Variants in CDKL4 observed in about 807,000 individuals in gnomAD.
CDKL4 encodes cyclin dependent kinase like 4.
A neutral mutation model predicts 42.0 loss-of-function variants in CDKL4; 44 were observed. The ratio of observed to expected loss-of-function variants is 1.05; its 90% CI spans 0.82 to 1.35. The LOEUF (loss-of-function observed/expected upper bound fraction) is 1.35. Among genes scored for constraint, CDKL4 ranks in the 40% most tolerant of loss-of-function variants. The pLI is 0.00. For missense variants in CDKL4, 393 were observed against 369.9 expected (o/e 1.06, Z -0.51); for synonymous variants, 120 against 121.6 (o/e 0.99, Z 0.09).
downstream of CDKL4, among the ~76,000 whole-genome samples, chr2:39,172,086 G>A (rs923657035): frequency 1.7e-4 from 26 of 152,016 alleles, no homozygotes; most frequent in African/African-American, 3.9e-4. Context: ...CGAGGCAGGC[G>A]GATCACGAGG....
Position 39,224,246 on chromosome 2 carries a change from G to A in CDKL4, c.290+1593C>T, listed in dbSNP as rs1335613199. The stretch of plus-strand genomic sequence containing the variant: ...GACAGTTAAAAGTCCCTTTTTTCTC[G>A]ATTTAGTCTTTTTCAAATTTCAAAA... On this transcript the variant is annotated intron_variant, in intron 3 of 9. Coordinates refer to ENST00000451199, the Ensembl canonical transcript of CDKL4. 2.6e-5 allele frequency among the ~76,000 whole-genome samples: 4 copies of A among 151,588 alleles called. No homozygotes were observed. The East Asian group carries it at 7.7e-4, about 29-fold the overall frequency.
the CDKL4 span, among the ~76,000 whole-genome samples, chr2:39,170,403 T>A: frequency 1.3e-5 from 2 of 152,160 alleles, no homozygotes; most frequent in Admixed American, 1.3e-4. Flanking sequence ...TAAAAATCTG[T>A]ATCTTTGTGA....
At chr2:39,189,051 TA>T in intron 6 of CDKL4, among the ~76,000 whole-genome samples, 1 of 152,330 alleles carries the variant, frequency 6.6e-6, no homozygotes, top group East Asian at 1.9e-4. Flanking sequence ...AGAATCTTTT[TA>T]GGGAATGAAT....
At chr2:39,242,079 T>G (rs939558719) in intron 1 of CDKL4, among the ~76,000 whole-genome samples, 11 of 151,608 alleles carry the variant, frequency 7.3e-5, no homozygotes, top group Admixed American at 2.6e-4. Context: ...AGGGTCTCGC[T>G]CTGTCACTCA....
At chr2:39,239,208 A>G (rs1250064026) in intron 1 of CDKL4, among the ~76,000 whole-genome samples, 1 of 152,194 alleles carries the variant, frequency 6.6e-6, no homozygotes, top group Non-Finnish European at 1.5e-5. Context: ...ATTAACTCAA[A>G]ATGGACAAAG....
chr2:39,238,173 G>A (rs138229068), intron 1 of CDKL4, among the ~76,000 whole-genome samples: 11 of 152,312 alleles, frequency 7.2e-5, no homozygotes, highest in Non-Finnish European at 1.2e-4. Flanking sequence ...GCACATGCCT[G>A]TAATCCCAGC....
At chr2:39,211,385 C>T (rs1007699174) in intron 4 of CDKL4, among the ~76,000 whole-genome samples, 32 of 151,888 alleles carry the variant, frequency 2.1e-4, no homozygotes, top group African/African-American at 7.5e-4. Context: ...GAGACTGTCC[C>T]AAAAATATAA....
intron 1 of CDKL4, among the ~76,000 whole-genome samples, chr2:39,234,149 A>G (rs113378737): frequency 0.043 from 6,590 of 151,870 alleles, 485 homozygotes; most frequent in African/African-American, 0.15. Context: ...TCCTGACCTC[A>G]TGATCCACCT....
intron 3 of CDKL4, among the ~76,000 whole-genome samples, chr2:39,217,479 G>C (rs1461191135): frequency 6.6e-6 from 1 of 152,120 alleles, no homozygotes. Context: ...CGTAATAGGG[G>C]AAGCTTGATT....
At chr2:39,229,449 T>C in exon 2 of CDKL4, 1 of 1,613,650 alleles carries the variant, frequency 6.2e-7, no homozygotes, top group Non-Finnish European at 8.5e-7. Context: ...CAGCTACTAC[T>C]TGTCCAGAGG....
chr2:39,184,356 G>T (rs1279048446), intron 8 of CDKL4, among the ~76,000 whole-genome samples: 1 of 152,174 alleles, frequency 6.6e-6, no homozygotes, highest in Non-Finnish European at 1.5e-5. Flanking sequence ...GCTAGGTCTG[G>T]TGTCTGCATG....
intron 6 of CDKL4, among the ~76,000 whole-genome samples, chr2:39,189,506 C>T (rs1274868198): frequency 6.6e-6 from 1 of 152,132 alleles, no homozygotes; most frequent in East Asian, 1.9e-4. Flanking sequence ...TTCTTAAGTA[C>T]TATACAAAGA....
At chr2:39,190,416 A>G in exon 6 of CDKL4, 1 of 1,614,114 alleles carries the variant, frequency 6.2e-7, no homozygotes, top group South Asian at 1.1e-5. Context: ...ATATCGACTG[A>G]AGAACCATAC....
chr2:39,185,164 A>ACG (rs1572945153), intron 7 of CDKL4, among the ~76,000 whole-genome samples: 2 of 133,554 alleles, frequency 1.5e-5, no homozygotes, highest in East Asian at 2.2e-4. Flanking sequence ...ATATACACAT[A>ACG]TGTATATATA....
At chr2:39,211,726 T>C (rs1385128244) in intron 4 of CDKL4, among the ~76,000 whole-genome samples, 1 of 151,812 alleles carries the variant, frequency 6.6e-6, no homozygotes, top group Non-Finnish European at 1.5e-5. Context: ...GCAATAATCA[T>C]CACTGGATGC....
At chr2:39,214,891 G>A (rs755304435) in intron 3 of CDKL4, among the ~76,000 whole-genome samples, 2 of 152,172 alleles carry the variant, frequency 1.3e-5, no homozygotes, top group Non-Finnish European at 1.5e-5. Context: ...ATGGGCAGGT[G>A]TATTTTCCAC....
At position 39,204,512 on chromosome 2, in the gene CDKL4, A is replaced by T. The variant is rs765038781; in HGVS notation, c.454+15T>A. 3.0e-5 allele frequency: 46 copies of T among 1,522,294 alleles called. No individual in the cohort carries two copies. Among genetic ancestry groups the T allele is most frequent in the Non-Finnish European group, 4.0e-5 (44 of 1,099,998 alleles). 94.3% of individuals were successfully genotyped at this position (1,522,294 alleles called of 1,614,324 possible). On this transcript the variant is annotated intron_variant, in intron 5 of 9. Transcript: ENST00000451199. Reference sequence around the variant, plus strand: ...TCATCTGAACTGGGTATTAGTAAAAAAAATTGCTACTTACTCAGAATTTGT... The same window carrying T: ...TCATCTGAACTGGGTATTAGTAAAATAAATTGCTACTTACTCAGAATTTGT...
At chr2:39,200,015 G>C (rs1175112694) in intron 5 of CDKL4, among the ~76,000 whole-genome samples, 1 of 151,966 alleles carries the variant, frequency 6.6e-6, no homozygotes, top group African/African-American at 2.4e-5. Context: ...AAAAAATAAA[G>C]GGCATCTAAA....
chr2:39,223,722 C>T (rs1238131012), intron 3 of CDKL4, among the ~76,000 whole-genome samples: 1 of 151,828 alleles, frequency 6.6e-6, no homozygotes, highest in Non-Finnish European at 1.5e-5. Context: ...AAGTGATCCT[C>T]CTACCTCAGC....
Sources: gnomAD v4.1 joint callset for allele counts (sites outside exome capture counted in the v4.1 genomes callset) on GRCh38, gnomAD v4.1.1 for gene constraint, MANE v1.5 for transcripts, NCBI Gene and HGNC (gene_info 2026-07-23, HGNC 2026-07-21) for gene names.